Variants in PDE1A observed in about 807,000 individuals in gnomAD.
PDE1A encodes the protein dual specificity calcium/calmodulin-dependent 3',5'-cyclic nucleotide phosphodiesterase 1A.
A neutral mutation model predicts 61.7 loss-of-function variants in PDE1A; 35 were observed. That is an observed-to-expected ratio of 0.57 (90% confidence interval 0.43 to 0.75). PDE1A has a LOEUF of 0.75. Ranked by LOEUF, PDE1A falls within the 30% of genes least tolerant of loss-of-function variation. PDE1A has a pLI of 0.00. For synonymous variants in PDE1A, 232 were observed against 213.2 expected (o/e 1.09, Z -0.77); for missense variants, 597 against 630.6 (o/e 0.95, Z 0.57).
intron 1 of PDE1A, among the ~76,000 whole-genome samples, chr2:182,297,313 T>C (rs184995535): frequency 1.4e-4 from 22 of 152,294 alleles, no homozygotes; most frequent in African/African-American, 5.1e-4. Flanking sequence ...CTAACCCTCT[T>C]TTCCTCTTCC....
the PDE1A span, among the ~76,000 whole-genome samples, chr2:182,679,832 A>G: frequency 6.6e-6 from 1 of 152,180 alleles, no homozygotes; most frequent in East Asian, 1.9e-4. Flanking sequence ...AATTGATTCT[A>G]AAGTGCATAT....
chr2:182,145,889 T>A (rs754784211), downstream of PDE1A, among the ~76,000 whole-genome samples: 44 of 152,202 alleles, frequency 2.9e-4, no homozygotes, highest in Non-Finnish European at 5.7e-4. Context: ...AGGAAGAAAT[T>A]ATTTTAAAAG....
intron 1 of PDE1A, among the ~76,000 whole-genome samples, chr2:182,327,595 G>A (rs745311340): frequency 6.6e-6 from 1 of 152,176 alleles, no homozygotes; most frequent in Non-Finnish European, 1.5e-5. Context: ...AAAGGAGGGA[G>A]TATTTCATCA....
the PDE1A span, among the ~76,000 whole-genome samples, chr2:182,636,341 T>TG: frequency 6.6e-6 from 1 of 152,172 alleles, no homozygotes; most frequent in East Asian, 1.9e-4. Flanking sequence ...TGGAATTCAC[T>TG]GGGGTTTTTT....
chr2:182,686,964 C>T, the PDE1A span, among the ~76,000 whole-genome samples: 13 of 152,310 alleles, frequency 8.5e-5, no homozygotes, highest in South Asian at 2.1e-4. Flanking sequence ...AACTTCAAGG[C>T]GGCAGCCAAG....
At chr2:182,228,329 A>C (rs113098938) in intron 6 of PDE1A, among the ~76,000 whole-genome samples, 6 of 152,144 alleles carry the variant, frequency 3.9e-5, no homozygotes, top group Admixed American at 1.3e-4. Context: ...TCCTTAAAAC[A>C]TCTTGCAGAT....
At chr2:182,380,359 G>A (rs966058636) in intron 1 of PDE1A, among the ~76,000 whole-genome samples, 2 of 151,592 alleles carry the variant, frequency 1.3e-5, no homozygotes, top group African/African-American at 2.4e-5. Flanking sequence ...TGATCCACCC[G>A]TCTCGGCCTC....
At chr2:182,279,649 T>C (rs930578146) in intron 1 of PDE1A, among the ~76,000 whole-genome samples, 5 of 151,916 alleles carry the variant, frequency 3.3e-5, no homozygotes, top group African/African-American at 9.7e-5. Flanking sequence ...TTTTAAAACA[T>C]CTTTATTGGA....
the PDE1A span, among the ~76,000 whole-genome samples, chr2:182,574,847 T>C: frequency 6.6e-6 from 1 of 152,116 alleles, no homozygotes; most frequent in South Asian, 2.1e-4. Context: ...CACACCACCA[T>C]GCCCAGCTAA....
At chr2:182,157,165 C>G (rs541470804) in intron 13 of PDE1A, among the ~76,000 whole-genome samples, 1 of 151,816 alleles carries the variant, frequency 6.6e-6, no homozygotes, top group Non-Finnish European at 1.5e-5. Context: ...CAGGCACACG[C>G]CACCACGTCT....
intron 2 of PDE1A, among the ~76,000 whole-genome samples, chr2:182,516,762 AAAG>A (rs1690202597): frequency 7.0e-6 from 1 of 143,322 alleles, no homozygotes; most frequent in South Asian, 2.4e-4. Flanking sequence ...AAAGAAAGAA[AAAG>A]AAAGAAAGAA....
rs115521749 is a variant in PDE1A at position 182,465,130 on chromosome 2, G to A, written c.101+57146C>T. On this transcript the variant is annotated intron_variant, in intron 2 of 14. Coordinates refer to the PDE1A transcript ENST00000410103. ...TAAAAAATAAACTGTGATGGCTAGC[G>A]AAAGGAACAGTGCCTTTATTTCATA... Among the ~76,000 whole-genome samples the A allele has an allele frequency of 5.8e-3, 881 of 152,090 alleles. 7 individuals are homozygous for A. The highest frequency in any genetic ancestry group is 0.01 in the Middle Eastern group (3 of 294).
intron 6 of PDE1A, among the ~76,000 whole-genome samples, chr2:182,227,219 A>C (rs181806097): frequency 6.6e-6 from 1 of 152,080 alleles, no homozygotes. Context: ...TAATTTTAGT[A>C]TATGAATGGG....
the PDE1A span, among the ~76,000 whole-genome samples, chr2:182,712,650 A>G: frequency 1.3e-5 from 2 of 151,862 alleles, no homozygotes; most frequent in Non-Finnish European, 1.5e-5. Context: ...TCCGCCTCTC[A>G]GGTTCATGCC....
chr2:182,459,047 C>T lies in PDE1A; in HGVS notation c.101+63229G>A, dbSNP rs1207508277. ...AATAAACACAATAGCAATCTGTTGCCATAACTCATGAAGTATTTTATGATT... is the reference window on the plus strand; with the variant it reads ...AATAAACACAATAGCAATCTGTTGCTATAACTCATGAAGTATTTTATGATT... On this transcript the variant is annotated intron_variant, in intron 2 of 14. Coordinates refer to the PDE1A transcript ENST00000410103. Among the ~76,000 whole-genome samples the T allele has an allele frequency of 2.6e-5, 4 of 152,042 alleles. No homozygotes were observed. In the East Asian group the frequency reaches 5.8e-4, roughly 22 times the overall value.
chr2:182,337,459 T>C (rs559511902), intron 1 of PDE1A, among the ~76,000 whole-genome samples: 1 of 152,328 alleles, frequency 6.6e-6, no homozygotes, highest in East Asian at 1.9e-4. Flanking sequence ...TTCAAAGTCA[T>C]GAAATTATTA....
intron 2 of PDE1A, among the ~76,000 whole-genome samples, chr2:182,509,304 C>T (rs913572089): frequency 1.3e-5 from 2 of 152,120 alleles, no homozygotes; most frequent in Non-Finnish European, 2.9e-5. Context: ...TAGCACATGT[C>T]CTAGAGAAGA....
At chr2:182,557,740 TA>T in the PDE1A span, among the ~76,000 whole-genome samples, 1 of 151,660 alleles carries the variant, frequency 6.6e-6, no homozygotes, top group East Asian at 1.9e-4. Flanking sequence ...TAAAAATAAA[TA>T]AATAAAATAA....
chr2:182,193,145 G>T (rs1014492703), intron 10 of PDE1A, among the ~76,000 whole-genome samples: 3 of 151,860 alleles, frequency 2.0e-5, no homozygotes, highest in African/African-American at 7.3e-5. Context: ...CTGCCACCAT[G>T]CCCAGCTAAT....
Sources: allele counts gnomAD v4.1 joint callset (sites outside exome capture counted in the v4.1 genomes callset), GRCh38; gene constraint gnomAD v4.1.1; transcripts MANE v1.5; gene names NCBI Gene and HGNC (gene_info 2026-07-23, HGNC 2026-07-21).